Variants in ELOVL2 observed in about 807,000 individuals in gnomAD.
ELOVL2 encodes very long chain fatty acid elongase 2.
In ELOVL2, 38 loss-of-function variants were observed where a neutral mutation model predicts 37.7. The ratio of observed to expected loss-of-function variants is 1.01; its 90% CI spans 0.78 to 1.32. ELOVL2 has a LOEUF of 1.32. ELOVL2 is among the 40% of genes most tolerant of loss of function. The pLI is 0.00. For missense variants in ELOVL2, 352 were observed against 363.6 expected (o/e 0.97, Z 0.26); for synonymous variants, 115 against 122.3 (o/e 0.94, Z 0.40).
chr6:10,984,517 C>G (rs1195582248), intron 7 of ELOVL2, among the ~76,000 whole-genome samples: 2 of 116,696 alleles, frequency 1.7e-5, no homozygotes, highest in Non-Finnish European at 3.4e-5. Flanking sequence ...CCCCTCCCCC[C>G]ACCCCACAAC....
At chr6:11,009,307 C>T (rs1057255264) in intron 2 of ELOVL2, among the ~76,000 whole-genome samples, 3 of 152,148 alleles carry the variant, frequency 2.0e-5, no homozygotes, top group Non-Finnish European at 2.9e-5. Context: ...TGTACATATA[C>T]ACCTATGGAA....
intron 4 of ELOVL2, among the ~76,000 whole-genome samples, chr6:10,997,039 G>T (rs1283201202): frequency 6.7e-6 from 1 of 148,740 alleles, no homozygotes. Flanking sequence ...GATATTAAAA[G>T]ATTTTAGTTA....
chr6:10,989,362 C>T (rs955779774), intron 7 of ELOVL2, among the ~76,000 whole-genome samples: 5 of 152,182 alleles, frequency 3.3e-5, no homozygotes, highest in Non-Finnish European at 5.9e-5. Flanking sequence ...TGTAAAAGTG[C>T]ATGATCTAGG....
intron 1 of ELOVL2, among the ~76,000 whole-genome samples, chr6:11,032,160 C>T (rs550084918): frequency 2.6e-5 from 4 of 152,236 alleles, no homozygotes; most frequent in Non-Finnish European, 5.9e-5. Context: ...TTATCCATAT[C>T]ATGTAGAGTT....
chr6:11,000,606 T>C (rs1581865812), intron 3 of ELOVL2, among the ~76,000 whole-genome samples: 1 of 151,902 alleles, frequency 6.6e-6, no homozygotes, highest in Non-Finnish European at 1.5e-5. Flanking sequence ...ATTTTACAGA[T>C]ATTAAAAACA....
At chr6:11,026,778 T>C (rs1305170662) in intron 1 of ELOVL2, among the ~76,000 whole-genome samples, 1 of 152,266 alleles carries the variant, frequency 6.6e-6, no homozygotes, top group East Asian at 1.9e-4. Context: ...CTGTGGATCA[T>C]AGCTTGATTT....
intron 1 of ELOVL2, among the ~76,000 whole-genome samples, chr6:11,029,057 C>CAAAA (rs61212546): frequency 2.2e-4 from 18 of 83,498 alleles, no homozygotes; most frequent in Non-Finnish European, 3.5e-4. Flanking sequence ...TTTGTCTCTA[C>CAAAA]AAAAAAAAAA....
At chr6:11,001,165 T>TAGAG (rs777100360) in intron 3 of ELOVL2, among the ~76,000 whole-genome samples, 1 of 152,116 alleles carries the variant, frequency 6.6e-6, no homozygotes, top group Non-Finnish European at 1.5e-5. Flanking sequence ...AATTAATTGT[T>TAGAG]AGAGAGAGAG....
chr6:11,021,237 T>C (rs1782761573), intron 1 of ELOVL2, among the ~76,000 whole-genome samples: 1 of 152,218 alleles, frequency 6.6e-6, no homozygotes, highest in Non-Finnish European at 1.5e-5. Flanking sequence ...ACTGCATGTG[T>C]TCTTCCCTCT....
intron 1 of ELOVL2, among the ~76,000 whole-genome samples, chr6:11,043,241 G>C (rs3798724): frequency 6.6e-6 from 1 of 152,086 alleles, no homozygotes; most frequent in South Asian, 2.1e-4. Context: ...TACGGGAAGG[G>C]GGTGAGGCAA....
intron 7 of ELOVL2, among the ~76,000 whole-genome samples, chr6:10,989,437 G>A (rs934190347): frequency 2.0e-5 from 3 of 152,244 alleles, no homozygotes; most frequent in African/African-American, 7.2e-5. Context: ...CAGATCACCT[G>A]AGGTCAGGAG....
At chr6:11,017,893 T>C (rs1049710737) in intron 1 of ELOVL2, among the ~76,000 whole-genome samples, 1 of 152,226 alleles carries the variant, frequency 6.6e-6, no homozygotes, top group Admixed American at 6.5e-5. Flanking sequence ...TTAATATTTA[T>C]TGAATGAATT....
Position 11,000,128 on chromosome 6 carries a change from G to A in ELOVL2, c.292C>T (p.Gln98Ter). The A allele has an allele frequency of 6.2e-7, 1 of 1,614,176 alleles. No homozygotes were observed. Among genetic ancestry groups the A allele is most frequent in the Non-Finnish European group, 8.5e-7 (1 of 1,180,008 alleles). ...LSTWEGGYNL[Q>*]CQDLTSAGEA... ...CCTGCGCTGGTAAGATCTTGACACT[G>A]TAAGTTGTAGCCTCCTTCCCAAGTG... The change falls in exon 4 of 8, where the codon CAG (glutamine) becomes TAG (stop). Residue 98 changes from glutamine to a stop codon, truncating the protein, a stop_gained. Transcript: ENST00000354666. LOFTEE classifies it high-confidence loss of function.
chr6:11,028,889 C>T (rs1003162471), intron 1 of ELOVL2, among the ~76,000 whole-genome samples: 3 of 151,756 alleles, frequency 2.0e-5, no homozygotes, highest in African/African-American at 2.4e-5. Context: ...AAGCAACTTG[C>T]CTGATTTCAT....
intron 1 of ELOVL2, among the ~76,000 whole-genome samples, chr6:11,020,556 G>C (rs1348359052): frequency 6.6e-6 from 1 of 152,146 alleles, no homozygotes; most frequent in Admixed American, 6.5e-5. Flanking sequence ...AGGGGTACAA[G>C]AGGGTCCTTT....
rs144599228 is a variant in ELOVL2, at chr6:10,989,298, C to CA, written c.765+404dup. 3.3e-3 allele frequency among the ~76,000 whole-genome samples: 507 copies of CA among 152,228 alleles called. 5 individuals carry two copies. Among genetic ancestry groups the CA allele is most frequent in the African/African-American group, 0.011 (474 of 41,516 alleles). On this transcript the variant is annotated intron_variant, in intron 7 of 7. Coordinates refer to ENST00000354666, the MANE Select transcript of ELOVL2 (RefSeq NM_017770.4). ...TTGTGTATCTGCTACCTGAATTTATCAACAAGCATGTGCTACTATAATATT... is the reference window on the plus strand; with the variant it reads ...TTGTGTATCTGCTACCTGAATTTATCAAACAAGCATGTGCTACTATAATATT...
In ELOVL2 at chr6:10,981,840, T is replaced by C. The variant is rs375148857; in HGVS notation, c.*1941A>G. 5.3e-5 allele frequency: 8 copies of C among 152,192 alleles called. No homozygotes were observed. Among genetic ancestry groups the C allele is most frequent in the African/African-American group, 1.9e-4 (8 of 41,434 alleles). The allele number at this position is 152,192 out of a possible 1,614,324, so 9.4% of individuals were successfully genotyped here. A position where few individuals can be genotyped will look rare whatever the true frequency, so the allele number is the denominator to read the frequency against. On this transcript the variant is annotated 3_prime_UTR_variant, in exon 8 of 8. Coordinates refer to ENST00000354666, the MANE Select transcript of ELOVL2 (RefSeq NM_017770.4). ...CACTTTGGTAAGAGATTTCAGCCTATATTTGAGATCTAAACTGAACTAGGG... is the reference window on the plus strand; with the variant it reads ...CACTTTGGTAAGAGATTTCAGCCTACATTTGAGATCTAAACTGAACTAGGG...
chr6:11,043,951 G>A (rs999980940), intron 1 of ELOVL2: 14 of 300,862 alleles, frequency 4.7e-5, no homozygotes, highest in Non-Finnish European at 7.9e-5. Flanking sequence ...GGGCGCGAGC[G>A]GGCGCCTCGA....
At chr6:10,987,653 C>T (rs1398985337) in intron 7 of ELOVL2, among the ~76,000 whole-genome samples, 1 of 152,066 alleles carries the variant, frequency 6.6e-6, no homozygotes, top group African/African-American at 2.4e-5. Context: ...AAAATAAAGA[C>T]CAAAACAAAT....
Sources: gnomAD v4.1 joint callset for allele counts (sites outside exome capture counted in the v4.1 genomes callset) on GRCh38, gnomAD v4.1.1 for gene constraint, MANE v1.5 for transcripts, NCBI Gene and HGNC (gene_info 2026-07-23, HGNC 2026-07-21) for gene names.